Variants in KCMF1 observed in about 807,000 individuals in gnomAD.
KCMF1 encodes E3 ubiquitin-protein ligase KCMF1.
Under a neutral mutation model 41.1 loss-of-function variants are expected in KCMF1, and 3 were observed. The ratio of observed to expected loss-of-function variants is 0.07; its 90% confidence interval spans 0.03 to 0.19. The LOEUF (loss-of-function observed/expected upper bound fraction) is 0.19. Ranked by LOEUF, KCMF1 falls within the 10% of genes least tolerant of loss-of-function variation. KCMF1 has a pLI of 1.00. For synonymous variants in KCMF1, 142 were observed against 164.5 expected, an observed-to-expected ratio of 0.86 and a Z score of 1.04; for missense variants, 286 against 488.9, an observed-to-expected ratio of 0.58 and a Z score of 3.91.
chr2:85,012,680 A>G (rs909429729), intron 1 of KCMF1, among the ~76,000 whole-genome samples: 9 of 152,238 alleles, frequency 5.9e-5, no homozygotes, highest in African/African-American at 2.2e-4. Flanking sequence ...TAAACCAGAC[A>G]TAAACCACAA....
intron 1 of KCMF1, 63 bp downstream of exon 1, chr2:84,971,530 G>T: frequency 1.0e-6 from 1 of 996,882 alleles, no homozygotes. Flanking sequence ...CCCGGGCCGG[G>T]CGCGGCGGAG....
chr2:85,032,782 C>G (rs1675307614), intron 2 of KCMF1, among the ~76,000 whole-genome samples: 7 of 152,218 alleles, frequency 4.6e-5, no homozygotes, highest in Admixed American at 3.9e-4. Context: ...TCCCAAAGTG[C>G]TAGGATTATA....
At chr2:85,025,333 T>C (rs1675071847) in intron 1 of KCMF1, among the ~76,000 whole-genome samples, 1 of 152,240 alleles carries the variant, frequency 6.6e-6, no homozygotes, top group South Asian at 2.1e-4. Flanking sequence ...TAAAATGCTG[T>C]TGCAAATGGC....
At chr2:84,979,218 A>G (rs962016951) in intron 1 of KCMF1, among the ~76,000 whole-genome samples, 3 of 152,116 alleles carry the variant, frequency 2.0e-5, no homozygotes, top group Non-Finnish European at 4.4e-5. Context: ...GAATTATCCT[A>G]GAAATAATGT....
intron 1 of KCMF1, among the ~76,000 whole-genome samples, chr2:85,018,498 G>A (rs1272890146): frequency 6.6e-6 from 1 of 151,994 alleles, no homozygotes; most frequent in African/African-American, 2.4e-5. Context: ...TCGAACTCCT[G>A]ACCTCAGGTG....
At chr2:84,980,551 G>A (rs1014903801) in intron 1 of KCMF1, among the ~76,000 whole-genome samples, 1 of 152,136 alleles carries the variant, frequency 6.6e-6, no homozygotes, top group Non-Finnish European at 1.5e-5. Flanking sequence ...ACTGCCTGTA[G>A]AATTGTTTTT....
chr2:85,022,676 G>A (rs183313952), intron 1 of KCMF1, among the ~76,000 whole-genome samples: 129 of 152,168 alleles, frequency 8.5e-4, no homozygotes, highest in African/African-American at 2.8e-3. Flanking sequence ...CAAAAGAGAA[G>A]AATGGTACTA....
chr2:85,030,213 AAT>A (rs1314848258), intron 2 of KCMF1, among the ~76,000 whole-genome samples: 11 of 151,814 alleles, frequency 7.2e-5, no homozygotes, highest in Admixed American at 7.2e-4. Context: ...ATTGAATTGT[AAT>A]AGTTTTTTAT....
intron 1 of KCMF1, among the ~76,000 whole-genome samples, chr2:84,985,647 G>A (rs1298797456): frequency 6.6e-6 from 1 of 152,060 alleles, no homozygotes; most frequent in Non-Finnish European, 1.5e-5. Context: ...TGGCCAACAT[G>A]GTGAAACCCC....
At chr2:85,032,617 TC>T (rs1675303500) in intron 2 of KCMF1, among the ~76,000 whole-genome samples, 1 of 152,154 alleles carries the variant, frequency 6.6e-6, no homozygotes, top group South Asian at 2.1e-4. Flanking sequence ...CCTTAGGTGA[TC>T]CGCCCACCTT....
At chr2:85,007,948 A>T (rs1674512906) in intron 1 of KCMF1, among the ~76,000 whole-genome samples, 1 of 151,890 alleles carries the variant, frequency 6.6e-6, no homozygotes, top group African/African-American at 2.4e-5. Context: ...TTTTTAGTAG[A>T]GATGGGGTTT....
chr2:85,024,589 T>A lies in KCMF1; in HGVS notation c.17-3300T>A, dbSNP rs570150779. 7.1e-4 allele frequency among the ~76,000 whole-genome samples: 107 copies of A among 151,024 alleles called. 6 individuals are homozygous for A. In the South Asian group the frequency reaches 0.021, roughly 30 times the overall value. On this transcript the variant is annotated intron_variant, in intron 1 of 6. Transcript: ENST00000409785. ...GAGAGAGAGAGAGAGAGAGAGTGTG[T>A]GTGTGTGTGTGTGTGTGCGCGTGTG...
intron 1 of KCMF1, among the ~76,000 whole-genome samples, chr2:84,988,489 C>A (rs1045317147): frequency 1.3e-5 from 2 of 152,026 alleles, no homozygotes; most frequent in African/African-American, 4.8e-5. Context: ...AAGTACCTTC[C>A]CTAAGATGGC....
chr2:85,024,583 A>AGTGT (rs71390042), intron 1 of KCMF1, among the ~76,000 whole-genome samples: 176 of 124,318 alleles, frequency 1.4e-3, no homozygotes, highest in Non-Finnish European at 2.1e-3. Context: ...AGAGAGAGAG[A>AGTGT]GTGTGTGTGT....
At chr2:84,983,899 T>C (rs957584354) in intron 1 of KCMF1, among the ~76,000 whole-genome samples, 2 of 152,166 alleles carry the variant, frequency 1.3e-5, no homozygotes, top group African/African-American at 4.8e-5. Context: ...TACCTTGGTC[T>C]CCTACAGTGC....
At chr2:85,049,280 A>C in intron 5 of KCMF1, 86 bp from the exon 6 acceptor site, 1 of 1,345,982 alleles carries the variant, frequency 7.4e-7, no homozygotes, top group Non-Finnish European at 1.0e-6. Flanking sequence ...AATGCTTTTG[A>C]TGTTGTTCCA....
At chr2:85,032,600 C>G (rs1008512539) in intron 2 of KCMF1, among the ~76,000 whole-genome samples, 7 of 152,094 alleles carry the variant, frequency 4.6e-5, no homozygotes, top group Non-Finnish European at 8.8e-5. Context: ...TAGTCTTGAG[C>G]TCCTGACCTT....
intron 2 of KCMF1, among the ~76,000 whole-genome samples, 190 bp downstream of exon 2, chr2:85,028,246 G>C (rs1043608370): frequency 8.6e-5 from 13 of 151,972 alleles, no homozygotes; most frequent in African/African-American, 2.9e-4. Context: ...GCAATGGCGC[G>C]ATCTTGGCTC....
chr2:85,050,260 C>T (rs1327962852), intron 6 of KCMF1, among the ~76,000 whole-genome samples: 1 of 152,102 alleles, frequency 6.6e-6, no homozygotes, highest in Admixed American at 6.5e-5. Flanking sequence ...ATATATGGTT[C>T]ATATTAGGTG....
Sources: allele counts gnomAD v4.1 joint callset (sites outside exome capture counted in the v4.1 genomes callset), GRCh38; gene constraint gnomAD v4.1.1; transcripts MANE v1.5; gene names NCBI Gene and HGNC (gene_info 2026-07-23, HGNC 2026-07-21).